ADCY7: variants seen among roughly 807,000 people sequenced by gnomAD.
The protein encoded by ADCY7 is adenylate cyclase type 7.
Under a neutral mutation model 120.6 loss-of-function variants are expected in ADCY7, and 72 were observed. The ratio of observed to expected loss-of-function variants is 0.60; its 90% confidence interval spans 0.49 to 0.73. ADCY7 has a LOEUF of 0.73. ADCY7 is among the 30% of genes least tolerant of loss of function. The pLI is 0.00. For synonymous variants in ADCY7, 661 were observed against 628.0 expected (o/e 1.05, Z -0.78); for missense variants, 1,227 against 1,486.0 (o/e 0.83, Z 2.87).
intron 14 of ADCY7, among the ~76,000 whole-genome samples, 177 bp downstream of exon 14, chr16:50,306,026 T>C (rs1381197187): frequency 6.6e-6 from 1 of 152,174 alleles, no homozygotes; most frequent in Non-Finnish European, 1.5e-5. Flanking sequence ...AGCACCAGCC[T>C]GGCTCTCTCC....
Position 50,290,470 on chromosome 16 carries a change from A to T in ADCY7, c.185A>T (p.His62Leu). 1 of 1,614,160 alleles carries T rather than the reference A, an allele frequency of 6.2e-7. No individual in the cohort carries two copies. The highest frequency in any genetic ancestry group is 1.1e-5 in the South Asian group (1 of 91,088). The part of the protein sequence containing the change: ...IAFSQGDPSR[H>L]QAILGMAFLV... The stretch of plus-strand genomic sequence containing the variant: ...TGCTCCACCCAGGACCCCTCCAGAC[A>T]CCAGGCCATTCTGGGCATGGCGTTC... Residue 62 changes from histidine to leucine, a missense_variant, in exon 3 of 26, where the codon CAC becomes CTC. Physicochemically the swap from His to Leu is moderately conservative, Grantham distance 99 (BLOSUM62 -3). Transcript: ENST00000673801.
chr16:50,293,415 T>C lies in ADCY7; in HGVS notation c.749T>C (p.Ile250Thr). ...TCCATGGGCATGAAGCTGGCCATCA[T>C]CGAACGGCTCAAGGAGCATGGTGAC... ...HISMGMKLAI[I>T]ERLKEHGDRR... is the part of the protein sequence containing the mutation. Residue 250 changes from isoleucine to threonine, a missense_variant, in exon 6 of 26, where the codon ATC becomes ACC. Physicochemically the swap from Ile to Thr is moderately conservative, Grantham distance 89. Around this residue, in one of 5 missense-constraint regions of ADCY7, gnomAD observed 382 missense variants for 411.4 expected, o/e 0.93. Coordinates refer to ENST00000673801, the MANE Select transcript of ADCY7 (RefSeq NM_001114.5). The C allele has an allele frequency of 6.2e-7, 1 of 1,614,054 alleles. No homozygotes were observed. Among genetic ancestry groups the C allele is most frequent in the South Asian group, 1.1e-5 (1 of 91,082 alleles).
At chr16:50,263,565 A>C (rs756718964), upstream of ADCY7, among the ~76,000 whole-genome samples, 6 of 152,072 alleles carry the variant, frequency 3.9e-5, no homozygotes, top group Non-Finnish European at 5.9e-5. Context: ...TGGCCAGTTT[A>C]TCTTCACACA....
rs2035392790 is a variant in ADCY7 at position 50,296,965 on chromosome 16, C to G, written c.949-1939C>G. On this transcript the variant is annotated intron_variant, in intron 7 of 25. Transcript: ENST00000673801. ...GCTTCTGAACCAGCAGCTGGGAGCC[C>G]CAGAGGTTGGGCCTCATGTGAGGCA... 2.6e-5 allele frequency among the ~76,000 whole-genome samples: 4 copies of G among 152,214 alleles called. No homozygotes were observed. In the South Asian group the frequency reaches 8.3e-4, roughly 32 times the overall value.
upstream of ADCY7, among the ~76,000 whole-genome samples, chr16:50,263,876 C>A (rs2033122873): frequency 6.6e-6 from 1 of 152,152 alleles, no homozygotes; most frequent in African/African-American, 2.4e-5. Flanking sequence ...CAGCCTCTCG[C>A]CCACTGGGCC....
At chr16:50,309,034 C>G (rs1053809632) in intron 17 of ADCY7, 2 of 444,770 alleles carry the variant, frequency 4.5e-6, no homozygotes, top group African/African-American at 2.0e-5. Flanking sequence ...CTTGAGCCAC[C>G]ACATCCTGAC....
intron 1 of ADCY7, among the ~76,000 whole-genome samples, chr16:50,273,147 C>T (rs2033676764): frequency 6.6e-6 from 1 of 152,142 alleles, no homozygotes; most frequent in Admixed American, 6.5e-5. Context: ...CTGGGGTGGC[C>T]CTGGGTGATG....
At position 50,299,831 on chromosome 16, in the gene ADCY7, T is replaced by C. The variant is rs1433928758; in HGVS notation, c.1076+800T>C. Among the ~76,000 whole-genome samples, 3 of 152,178 alleles carry C rather than the reference T, an allele frequency of 2.0e-5. No individual in the cohort carries two copies. The East Asian group carries it at 5.8e-4, about 29-fold the overall frequency. On this transcript the variant is annotated intron_variant, in intron 8 of 25. Coordinates refer to ENST00000673801, the MANE Select transcript of ADCY7 (RefSeq NM_001114.5). ...AAGGCTTGGTCAGTGCCCAGCCTTG[T>C]TGGTGGACACGTGGTGCCGCTTGTC...
Position 50,270,711 on chromosome 16 carries a change from C to T in ADCY7, c.-269+4031C>T, listed in dbSNP as rs140192290. Among the ~76,000 whole-genome samples, 218 of 152,330 alleles carry T rather than the reference C, an allele frequency of 1.4e-3. 3 individuals carry two copies. Among genetic ancestry groups the T allele is most frequent in the African/African-American group, 5.0e-3 (208 of 41,570 alleles). On this transcript the variant is annotated intron_variant, in intron 1 of 25. Transcript: ENST00000673801. ...AGCAGCCTCCCTGTCACCTACATCC[C>T]TCGGACTAATCATTTTCTTTCTGTT... is the stretch of plus-strand genomic sequence containing the variant.
chr16:50,260,979 G>C (rs77701136), intron 1 of ADCY7, among the ~76,000 whole-genome samples: 1,900 of 152,334 alleles, frequency 0.012, 37 homozygotes, highest in African/African-American at 0.042. Context: ...CAGGGGACAA[G>C]GGTCACTGGA....
chr16:50,254,867 A>G (rs1316031609), intron 1 of ADCY7, among the ~76,000 whole-genome samples: 1 of 147,444 alleles, frequency 6.8e-6, no homozygotes, highest in Admixed American at 7.1e-5. Context: ...AGGTGAAACC[A>G]CAAAAGACCC....
At chr16:50,250,360 G>T (rs138547888) in intron 1 of ADCY7, among the ~76,000 whole-genome samples, 280 of 151,696 alleles carry the variant, frequency 1.8e-3, no homozygotes, top group African/African-American at 6.0e-3. Flanking sequence ...GGGAGGCTGA[G>T]GCAGGAGAAT....
At chr16:50,251,765 A>G (rs1268441341) in intron 1 of ADCY7, among the ~76,000 whole-genome samples, 2 of 152,172 alleles carry the variant, frequency 1.3e-5, no homozygotes, top group East Asian at 3.9e-4. Context: ...CTTGCCTGTC[A>G]TTGTCCCCGC....
chr16:50,273,498 C>T (rs962015593), intron 1 of ADCY7, among the ~76,000 whole-genome samples: 2 of 152,230 alleles, frequency 1.3e-5, no homozygotes, highest in Non-Finnish European at 2.9e-5. Flanking sequence ...GCACCTGCTG[C>T]AGGCAGGAGC....
At chr16:50,276,210 A>C (rs1596844344) in intron 1 of ADCY7, among the ~76,000 whole-genome samples, 1 of 152,212 alleles carries the variant, frequency 6.6e-6, no homozygotes, top group South Asian at 2.1e-4. Context: ...GTCAGCCCAC[A>C]CTGCCACTCA....
intron 1 of ADCY7, among the ~76,000 whole-genome samples, chr16:50,251,344 G>A (rs751500591): frequency 6.6e-6 from 1 of 152,152 alleles, no homozygotes; most frequent in Non-Finnish European, 1.5e-5. Flanking sequence ...GGCACTCATC[G>A]AGCATTAGCT....
At chr16:50,264,504 TG>T (rs1202113663), upstream of ADCY7, among the ~76,000 whole-genome samples, 2 of 152,230 alleles carry the variant, frequency 1.3e-5, no homozygotes, top group Admixed American at 6.5e-5. Context: ...GCTGAGTCAT[TG>T]GGGAAGCATA....
chr16:50,292,653 G>A (rs377390809), intron 4 of ADCY7, 23 bp from the exon 5 acceptor site: 2 of 1,611,868 alleles, frequency 1.2e-6, no homozygotes, highest in Non-Finnish European at 1.7e-6. Context: ...CACATAATGA[G>A]CCAAACCCCT....
In ADCY7 at chr16:50,290,441, T is replaced by C. The variant is rs1370884569; in HGVS notation, c.172-16T>C. On this transcript the variant is annotated splice_polypyrimidine_tract_variant and intron_variant, in intron 2 of 25. Coordinates refer to ENST00000673801, the MANE Select transcript of ADCY7 (RefSeq NM_001114.5). Reference sequence around the variant, plus strand: ...TGGGGAAAGCCGAGGCATTCCTGTCTGTTTGCTCCACCCAGGACCCCTCCA... The same window carrying C: ...TGGGGAAAGCCGAGGCATTCCTGTCCGTTTGCTCCACCCAGGACCCCTCCA... 1.2e-6 allele frequency: 2 copies of C among 1,613,996 alleles called. No individual in the cohort carries two copies. Among genetic ancestry groups the C allele is most frequent in the South Asian group, 2.2e-5 (2 of 91,058 alleles).
Sources: allele counts gnomAD v4.1 joint callset (sites outside exome capture counted in the v4.1 genomes callset), GRCh38; gene constraint gnomAD v4.1.1; regional missense constraint gnomAD v4.1.1; transcripts MANE v1.5; gene names NCBI Gene and HGNC (gene_info 2026-07-23, HGNC 2026-07-21).